Variants in PEPD observed in about 807,000 individuals in gnomAD.
PEPD encodes the protein xaa-Pro dipeptidase.
In PEPD, 53 loss-of-function variants were observed where a neutral mutation model predicts 60.7. The ratio of observed to expected loss-of-function variants is 0.87; its 90% CI spans 0.70 to 1.10. The LOEUF (loss-of-function observed/expected upper bound fraction) is 1.10. Among genes scored for constraint, PEPD ranks in the 50% least tolerant of loss-of-function variants. PEPD has a pLI of 0.00. For missense variants in PEPD, 711 were observed against 711.9 expected (o/e 1.00, Z 0.01); for synonymous variants, 267 against 284.1 (o/e 0.94, Z 0.60).
At chr19:33,493,651 C>G (rs1600160321) in intron 4 of PEPD, among the ~76,000 whole-genome samples, 1 of 152,140 alleles carries the variant, frequency 6.6e-6, no homozygotes, top group African/African-American at 2.4e-5. Flanking sequence ...CCCTCCAAGG[C>G]CAGCCCCTCT....
intron 9 of PEPD, among the ~76,000 whole-genome samples, chr19:33,423,621 C>T (rs1410572234): frequency 6.6e-6 from 1 of 152,210 alleles, no homozygotes. Flanking sequence ...TACTTCCTCA[C>T]ATTTCTTCCT....
In PEPD at chr19:33,434,697, G is replaced by A. The variant is rs375083249; in HGVS notation, c.672-21054C>T. 1.4e-4 allele frequency among the ~76,000 whole-genome samples: 21 copies of A among 152,272 alleles called. No homozygotes were observed. The East Asian group carries it at 4.1e-3, about 29-fold the overall frequency. On this transcript the variant is annotated intron_variant, in intron 9 of 14. Coordinates refer to ENST00000244137, the MANE Select transcript of PEPD (RefSeq NM_000285.4). ...CAGTAAAACCCAACCCCATTTACTG[G>A]GTGGGGAGAAAGCTGCCACCCAGGG... is the stretch of plus-strand genomic sequence containing the variant.
At chr19:33,502,522 CT>C (rs1040919611) in intron 3 of PEPD, among the ~76,000 whole-genome samples, 10 of 152,010 alleles carry the variant, frequency 6.6e-5, no homozygotes, top group East Asian at 1.9e-4. Context: ...CAAACCCCCC[CT>C]TTTTTTTGAG....
rs185097702 is a variant in PEPD at position 33,420,610 on chromosome 19, G to A, written c.672-6967C>T. The stretch of plus-strand genomic sequence containing the variant: ...CCAGCTACTTGGGAGGCTGAGACAG[G>A]AGAATTGCTTGAACCTGGGAGGCGG... On this transcript the variant is annotated intron_variant, in intron 9 of 14. Transcript: ENST00000244137. 4.8e-4 allele frequency among the ~76,000 whole-genome samples: 73 copies of A among 152,200 alleles called. 1 individual carries two copies. The East Asian group carries it at 0.013, about 27-fold the overall frequency.
intron 13 of PEPD, 135 bp downstream of exon 13, chr19:33,391,160 C>T: frequency 1.3e-6 from 1 of 764,036 alleles, no homozygotes; most frequent in Admixed American, 2.0e-5. Context: ...CCTCCGTATA[C>T]CACAGGGAGC....
Position 33,407,159 on chromosome 19 carries a change from A to C in PEPD, c.818+4513T>G, listed in dbSNP as rs73927844. 9.7e-3 allele frequency among the ~76,000 whole-genome samples: 1,481 copies of C among 152,170 alleles called. 33 individuals carry two copies. Among genetic ancestry groups the C allele is most frequent in the African/African-American group, 0.034 (1,411 of 41,492 alleles). ...AGATTAAGGCCCCCCTCCAACCCCC[A>C]CCACCTGATCGGGAAGTGAGGGAGG... On this transcript the variant is annotated intron_variant, in intron 11 of 14. Transcript: ENST00000244137.
intron 10 of PEPD, among the ~76,000 whole-genome samples, chr19:33,412,580 A>G (rs1448049316): frequency 1.3e-5 from 2 of 152,228 alleles, no homozygotes; most frequent in Non-Finnish European, 2.9e-5. Context: ...TAAGAAAAAA[A>G]GGACTTTTAA....
intron 7 of PEPD, among the ~76,000 whole-genome samples, chr19:33,467,361 C>G (rs1217641181): frequency 6.7e-6 from 1 of 149,686 alleles, no homozygotes; most frequent in Non-Finnish European, 1.5e-5. Flanking sequence ...TTTTTTTTAA[C>G]CTTTTAGAGT....
chr19:33,387,878 G>A lies in PEPD; in HGVS notation c.1344+12C>T, dbSNP rs1249813509. 6 of 1,552,652 alleles carry A rather than the reference G, an allele frequency of 3.9e-6. No homozygotes were observed. The highest frequency in any genetic ancestry group is 3.5e-6 in the Non-Finnish European group (4 of 1,147,792). On this transcript the variant is annotated intron_variant, in intron 14 of 14. Coordinates refer to ENST00000244137, the MANE Select transcript of PEPD (RefSeq NM_000285.4). The stretch of plus-strand genomic sequence containing the variant: ...TGTTCTGGGAGCAAGAATGGGGCCC[G>A]TGGGCACTCACCCCGCCAAAACCGC...
At chr19:33,448,051 G>C (rs375959210) in intron 9 of PEPD, among the ~76,000 whole-genome samples, 2 of 152,192 alleles carry the variant, frequency 1.3e-5, no homozygotes, top group East Asian at 3.9e-4. Context: ...CAGGTATGGA[G>C]ACAGCCCTTC....
chr19:33,459,898 G>C (rs1969895267), intron 9 of PEPD, among the ~76,000 whole-genome samples: 1 of 152,152 alleles, frequency 6.6e-6, no homozygotes, highest in Admixed American at 6.5e-5. Context: ...AAGCCAGCCA[G>C]GCCCCCAGCA....
intron 9 of PEPD, among the ~76,000 whole-genome samples, chr19:33,427,759 T>C (rs1009979454): frequency 2.0e-5 from 3 of 152,264 alleles, no homozygotes; most frequent in East Asian, 3.8e-4. Flanking sequence ...ATATACATTA[T>C]ACGAAGCCAA....
intron 7 of PEPD, among the ~76,000 whole-genome samples, chr19:33,464,634 G>C (rs937481242): frequency 3.9e-5 from 6 of 152,184 alleles, no homozygotes; most frequent in African/African-American, 1.4e-4. Flanking sequence ...AGGAGACCAG[G>C]AGCAGAGAAG....
intron 3 of PEPD, among the ~76,000 whole-genome samples, chr19:33,504,366 C>G (rs1970762376): frequency 6.6e-6 from 1 of 152,194 alleles, no homozygotes; most frequent in African/African-American, 2.4e-5. Flanking sequence ...GGGCAGGAGG[C>G]AGCCACTCAG....
chr19:33,491,193 G>A (rs1380506053), intron 5 of PEPD, among the ~76,000 whole-genome samples: 2 of 151,670 alleles, frequency 1.3e-5, no homozygotes, highest in African/African-American at 4.8e-5. Flanking sequence ...GGTGGCTCAC[G>A]CCTGTAATCC....
chr19:33,431,442 A>G (rs548275712), intron 9 of PEPD, among the ~76,000 whole-genome samples: 1 of 152,330 alleles, frequency 6.6e-6, no homozygotes, highest in East Asian at 1.9e-4. Flanking sequence ...GAGGAGACAG[A>G]AAACAAAGCA....
At chr19:33,435,084 T>G (rs1969349119) in intron 9 of PEPD, among the ~76,000 whole-genome samples, 1 of 152,146 alleles carries the variant, frequency 6.6e-6, no homozygotes, top group Non-Finnish European at 1.5e-5. Context: ...CCTTGGGCGC[T>G]GGGGAGGCCA....
At chr19:33,460,789 T>G (rs1443617587) in intron 9 of PEPD, among the ~76,000 whole-genome samples, 1 of 152,148 alleles carries the variant, frequency 6.6e-6, no homozygotes. Flanking sequence ...AGCTTCCCGG[T>G]GCACTCGGCT....
intron 9 of PEPD, among the ~76,000 whole-genome samples, chr19:33,435,089 AG>A (rs1193792538): frequency 6.6e-6 from 1 of 152,182 alleles, no homozygotes; most frequent in Non-Finnish European, 1.5e-5. Context: ...GGCGCTGGGG[AG>A]GCCAAATGAG....
Sources: allele counts gnomAD v4.1 joint callset (sites outside exome capture counted in the v4.1 genomes callset), GRCh38; gene constraint gnomAD v4.1.1; transcripts MANE v1.5; gene names NCBI Gene and HGNC (gene_info 2026-07-23, HGNC 2026-07-21).